Variants in PLEKHA1 observed in about 807,000 individuals in gnomAD.
PLEKHA1 encodes the protein pleckstrin homology domain-containing family A member 1.
PLEKHA1 carries 34 observed loss-of-function variants against 52.0 expected under a neutral mutation model. The ratio of observed to expected loss-of-function variants is 0.65; its 90% CI spans 0.50 to 0.87. The LOEUF (loss-of-function observed/expected upper bound fraction) is 0.87, where lower values mean the gene tolerates loss of function less well. PLEKHA1 is among the 40% of genes least tolerant of loss of function. The pLI, the probability that PLEKHA1 is intolerant of heterozygous loss-of-function variation, is 0.00. For synonymous variants in PLEKHA1, 163 were observed against 170.7 expected (o/e 0.95, Z 0.35); for missense variants, 497 against 504.2 (o/e 0.99, Z 0.14).
downstream of PLEKHA1, chr10:122,434,621 GGTTA>G (rs2097431594): frequency 6.6e-6 from 1 of 151,604 alleles, no homozygotes; most frequent in Admixed American, 6.6e-5. Flanking sequence ...ACAATGTGCA[GGTTA>G]GTTACATATG....
chr10:122,380,529 G>A (rs968527567), intron 1 of PLEKHA1, among the ~76,000 whole-genome samples: 4 of 152,176 alleles, frequency 2.6e-5, no homozygotes, highest in East Asian at 1.9e-4. Flanking sequence ...ACAAGTCCCC[G>A]AGTGGGAATC....
At chr10:122,400,563 T>C (rs2096913782) in intron 4 of PLEKHA1, among the ~76,000 whole-genome samples, 175 bp downstream of exon 4, 2 of 152,206 alleles carry the variant, frequency 1.3e-5, no homozygotes, top group Admixed American at 6.5e-5. Flanking sequence ...CCCTCTCCCC[T>C]AACCCTGAAG....
In PLEKHA1 at chr10:122,418,303, G is replaced by C. The variant is rs568800110; in HGVS notation, c.681+335G>C. 1,035 of 209,206 alleles carry C rather than the reference G, an allele frequency of 4.9e-3. 7 individuals carry two copies. Among genetic ancestry groups the C allele is most frequent in the Non-Finnish European group, 7.0e-3 (730 of 104,268 alleles). The allele number at this position is 209,206 out of a possible 1,614,324, so 13.0% of individuals were successfully genotyped here. A position where few individuals can be genotyped will look rare whatever the true frequency, so the allele number is the denominator to read the frequency against. On this transcript the variant is annotated intron_variant, in intron 8 of 11. Coordinates refer to ENST00000368990, the MANE Select transcript of PLEKHA1 (RefSeq NM_001001974.4). ...AGAGAAGGGCATCCACATGGGGAAG[G>C]GGTGGTGGCAGAGATGGGAGAATGG...
chr10:122,389,705 C>CA (rs1040810622), intron 1 of PLEKHA1, among the ~76,000 whole-genome samples: 19 of 150,072 alleles, frequency 1.3e-4, no homozygotes, highest in South Asian at 6.4e-4. Flanking sequence ...GACTCCATCT[C>CA]AAAAAAAAAA....
intron 4 of PLEKHA1, among the ~76,000 whole-genome samples, chr10:122,405,236 A>G (rs1260533442): frequency 7.2e-5 from 11 of 152,192 alleles, no homozygotes; most frequent in African/African-American, 2.2e-4. Context: ...AGGTCTAGAA[A>G]AATAGATCTT....
chr10:122,409,084 T>A (rs1254301220), intron 5 of PLEKHA1, among the ~76,000 whole-genome samples: 1 of 152,172 alleles, frequency 6.6e-6, no homozygotes, highest in African/African-American at 2.4e-5. Flanking sequence ...GCCATTTTAA[T>A]CCATTATCCT....
intron 1 of PLEKHA1, among the ~76,000 whole-genome samples, chr10:122,377,018 T>G (rs1368980181): frequency 6.6e-6 from 1 of 152,226 alleles, no homozygotes; most frequent in Non-Finnish European, 1.5e-5. Context: ...GCCTGGAAGT[T>G]CTTTATTATT....
intron 4 of PLEKHA1, 28 bp downstream of exon 4, chr10:122,400,416 A>C: frequency 6.3e-7 from 1 of 1,577,878 alleles, no homozygotes; most frequent in East Asian, 2.2e-5. Context: ...ATATATTTTA[A>C]ATAGACTGAT....
chr10:122,394,096 G>A (rs1277692190), intron 2 of PLEKHA1, among the ~76,000 whole-genome samples: 1 of 25,980 alleles, frequency 3.8e-5, no homozygotes, highest in Non-Finnish European at 1.0e-4. Context: ...TTTTTTTTTT[G>A]AGATGGAGTC....
At chr10:122,414,311 G>A (rs2097145441) in intron 6 of PLEKHA1, among the ~76,000 whole-genome samples, 1 of 152,020 alleles carries the variant, frequency 6.6e-6, no homozygotes, top group Non-Finnish European at 1.5e-5. Context: ...TTGTTGCATT[G>A]TAATTTTGGT....
intron 3 of PLEKHA1, among the ~76,000 whole-genome samples, chr10:122,399,206 G>A (rs905992657): frequency 2.0e-5 from 3 of 152,030 alleles, no homozygotes; most frequent in Admixed American, 1.3e-4. Flanking sequence ...ACAAACTTTT[G>A]TGTGACTCAG....
intron 8 of PLEKHA1, chr10:122,423,574 T>C (rs2097294861): frequency 6.6e-6 from 1 of 152,314 alleles, no homozygotes; most frequent in Non-Finnish European, 1.5e-5. Context: ...ATACTAGAAA[T>C]ATGCTATTAG....
In PLEKHA1 at chr10:122,393,420, G is replaced by GA. The variant is rs3838776; in HGVS notation, c.141+80dup. On this transcript the variant is annotated intron_variant, in intron 2 of 11. Transcript: ENST00000368990. This position sits in a 1 kb window ranked among gnomAD's most constrained non-coding sequence, Gnocchi z 4.5. ...TATTTAACATACTATACAGGCTTTA[G>GA]ATTTGTCTTCTTAAGCAGTATATTT... 0.99 allele frequency: 1,360,933 copies of GA among 1,377,194 alleles called. 673,285 individuals carry two copies. The highest frequency in any genetic ancestry group is 1 in the African/African-American group (67,576 of 67,740). 85.3% of individuals were successfully genotyped at this position (1,377,194 alleles called of 1,614,324 possible).
At chr10:122,375,480 G>A (rs1046898383) in intron 1 of PLEKHA1, among the ~76,000 whole-genome samples, 11 of 149,194 alleles carry the variant, frequency 7.4e-5, no homozygotes, top group Non-Finnish European at 1.5e-4. Flanking sequence ...TGGCACCGGG[G>A]AGGCGACCAG....
intron 7 of PLEKHA1, chr10:122,417,015 GC>G (rs1463435644): frequency 6.5e-6 from 1 of 152,824 alleles, no homozygotes; most frequent in Non-Finnish European, 1.5e-5. Flanking sequence ...TAGATTGAAA[GC>G]CCTAATTTTA....
intron 7 of PLEKHA1, 33 bp downstream of exon 7, chr10:122,416,035 A>G (rs2097169688): frequency 6.4e-7 from 1 of 1,562,882 alleles, no homozygotes; most frequent in Non-Finnish European, 8.6e-7. Context: ...TGAAATAATG[A>G]AAAAGGATTA....
rs141375379 is a variant in PLEKHA1 at position 122,382,207 on chromosome 10, A to C, written c.-21+7401A>C. Among the ~76,000 whole-genome samples the C allele has an allele frequency of 2.2e-3, 340 of 152,358 alleles. 2 individuals carry two copies. The highest frequency in any genetic ancestry group is 7.5e-3 in the African/African-American group (311 of 41,606). ...TAGTGCATTCACAGTTACGTGGACA[A>C]CACCACAATCAATTTTAGAATATTA... On this transcript the variant is annotated intron_variant, in intron 1 of 11. Coordinates refer to ENST00000368990, the MANE Select transcript of PLEKHA1 (RefSeq NM_001001974.4).
chr10:122,422,909 C>T (rs1025417915), intron 8 of PLEKHA1: 4 of 152,006 alleles, frequency 2.6e-5, no homozygotes, highest in Admixed American at 2.6e-4. Flanking sequence ...TTTCAGGAAT[C>T]TATATATATA....
intron 1 of PLEKHA1, among the ~76,000 whole-genome samples, chr10:122,376,677 T>C (rs952141478): frequency 4.6e-5 from 7 of 152,070 alleles, no homozygotes; most frequent in Non-Finnish European, 8.8e-5. Flanking sequence ...TTTAGCAGTG[T>C]AACAAAATAG....
Sources: allele counts gnomAD v4.1 joint callset (sites outside exome capture counted in the v4.1 genomes callset), GRCh38; gene constraint gnomAD v4.1.1; non-coding constraint Gnocchi (gnomAD v3.1); transcripts MANE v1.5; gene names NCBI Gene and HGNC (gene_info 2026-07-23, HGNC 2026-07-21).